The following RORA variants were observed in gnomAD, a reference collection of about 807,000 sequenced individuals.
RORA encodes the protein RAR related orphan receptor A, also known as nuclear receptor ROR-alpha.
RORA carries 7 observed loss-of-function variants against 69.5 expected under a neutral mutation model. The observed-to-expected ratio is 0.10, with a 90% CI of 0.06 to 0.19. RORA has a LOEUF of 0.19. Ranked by LOEUF, RORA falls within the 10% of genes least tolerant of loss-of-function variation. RORA has a pLI of 1.00. For synonymous variants in RORA, 261 were observed against 240.8 expected (o/e 1.08, Z -0.78); for missense variants, 457 against 663.0 (o/e 0.69, Z 3.41).
chr15:60,885,593 G>C (rs1409919380), intron 1 of RORA, among the ~76,000 whole-genome samples: 1 of 152,182 alleles, frequency 6.6e-6, no homozygotes, highest in Non-Finnish European at 1.5e-5. Flanking sequence ...CCAGGCAAGA[G>C]GATGACAATG....
chr15:61,058,821 T>C (rs1394002717), intron 1 of RORA, among the ~76,000 whole-genome samples: 1 of 152,198 alleles, frequency 6.6e-6, no homozygotes, highest in Non-Finnish European at 1.5e-5. Context: ...CTCTATGTTA[T>C]CGGCCTTTCT....
intron 1 of RORA, among the ~76,000 whole-genome samples, chr15:60,800,458 G>T (rs2072563596): frequency 6.6e-6 from 1 of 152,162 alleles, no homozygotes; most frequent in South Asian, 2.1e-4. Flanking sequence ...CAGCTCTGGT[G>T]GAAAGTATCA....
intron 1 of RORA, chr15:61,175,927 A>G (rs1038738375): frequency 6.6e-6 from 1 of 152,122 alleles, no homozygotes; most frequent in East Asian, 1.9e-4. Context: ...GGCATACACA[A>G]TGAAAAAAAC....
At chr15:60,720,518 C>T (rs1417014240) in intron 1 of RORA, among the ~76,000 whole-genome samples, 1 of 152,158 alleles carries the variant, frequency 6.6e-6, no homozygotes, top group Non-Finnish European at 1.5e-5. Flanking sequence ...ATGGTCACGC[C>T]CTTCCCTCTT....
intron 2 of RORA, among the ~76,000 whole-genome samples, chr15:60,654,093 T>C (rs979585658): frequency 4.6e-5 from 7 of 152,156 alleles, no homozygotes; most frequent in Admixed American, 4.6e-4. Flanking sequence ...GTCATTTTAG[T>C]CAAAGGAGCT....
chr15:60,505,362 A>G, intron 6 of RORA, 146 bp downstream of exon 6: 2 of 824,352 alleles, frequency 2.4e-6, no homozygotes, highest in Non-Finnish European at 3.8e-6. Context: ...CCTCAAGTAC[A>G]TTAGTAGCTT....
chr15:60,794,269 A>C (rs1002449182), intron 1 of RORA, among the ~76,000 whole-genome samples: 8 of 152,240 alleles, frequency 5.3e-5, no homozygotes, highest in African/African-American at 1.9e-4. Flanking sequence ...GAGTAGAGAA[A>C]GGCTGAATAA....
intron 2 of RORA, among the ~76,000 whole-genome samples, chr15:60,552,149 C>T (rs1379419444): frequency 6.6e-6 from 1 of 152,062 alleles, no homozygotes; most frequent in Non-Finnish European, 1.5e-5. Flanking sequence ...GAGAGAAGGG[C>T]CCAGAAGACT....
At chr15:60,894,093 G>A (rs780415327) in intron 1 of RORA, among the ~76,000 whole-genome samples, 41 of 152,070 alleles carry the variant, frequency 2.7e-4, no homozygotes, top group Admixed American at 1.8e-3. Flanking sequence ...GCCATGTCAT[G>A]GCTGCCCACT....
intron 2 of RORA, among the ~76,000 whole-genome samples, chr15:60,540,573 C>A (rs964689350): frequency 1.3e-5 from 1 of 74,940 alleles, no homozygotes; most frequent in African/African-American, 3.5e-5. Flanking sequence ...GACCCCCCCC[C>A]CCCAAAACTG....
intron 1 of RORA, among the ~76,000 whole-genome samples, chr15:61,138,465 G>A (rs1179437991): frequency 6.6e-6 from 1 of 152,140 alleles, no homozygotes; most frequent in South Asian, 2.1e-4. Context: ...CCAGGGTTAC[G>A]AAGACCACTC....
chr15:60,756,949 A>G (rs965203632), intron 1 of RORA, among the ~76,000 whole-genome samples: 4 of 152,220 alleles, frequency 2.6e-5, no homozygotes, highest in Admixed American at 2.6e-4. Flanking sequence ...ATTTATTATT[A>G]TAATCCATGA....
intron 1 of RORA, among the ~76,000 whole-genome samples, chr15:60,918,519 G>A (rs998732535): frequency 1.3e-5 from 2 of 152,136 alleles, no homozygotes; most frequent in African/African-American, 4.8e-5. Context: ...TGTAGAAACT[G>A]GGCACTTTGG....
At chr15:60,548,563 C>T (rs2067139196) in intron 2 of RORA, among the ~76,000 whole-genome samples, 1 of 152,200 alleles carries the variant, frequency 6.6e-6, no homozygotes, top group African/African-American at 2.4e-5. Context: ...TACTGTAAGG[C>T]AATGATGAAA....
intron 1 of RORA, among the ~76,000 whole-genome samples, chr15:60,844,042 A>T (rs954106011): frequency 6.6e-6 from 1 of 151,860 alleles, no homozygotes; most frequent in Non-Finnish European, 1.5e-5. Context: ...TCCCCTCTTT[A>T]ACTGGCAAAC....
rs2065012004 is a variant in RORA at position 60,489,759 on chromosome 15, A to G, written c.*7696T>C. The G allele has an allele frequency of 6.6e-6, 1 of 152,158 alleles. No individual in the cohort carries two copies. Among genetic ancestry groups the G allele is most frequent in the Non-Finnish European group, 1.5e-5 (1 of 68,024 alleles). The allele number at this position is 152,158 out of a possible 1,614,324, so 9.4% of individuals were successfully genotyped here. A position where few individuals can be genotyped will look rare whatever the true frequency, so the allele number is the denominator to read the frequency against. On this transcript the variant is annotated 3_prime_UTR_variant, in exon 11 of 11. Coordinates refer to ENST00000335670, the MANE Select transcript of RORA (RefSeq NM_134261.3). The stretch of plus-strand genomic sequence containing the variant: ...GAAAGGTTTATTCTGCCATCAAGCC[A>G]TCTAGGATATTTTATGTAAATGCCC...
At chr15:60,886,107 G>A (rs1211915091) in intron 1 of RORA, among the ~76,000 whole-genome samples, 1 of 152,054 alleles carries the variant, frequency 6.6e-6, no homozygotes, top group African/African-American at 2.4e-5. Flanking sequence ...AACCATATCT[G>A]GTATCCAAAA....
At chr15:61,219,371 G>A (rs568222682) in intron 1 of RORA, among the ~76,000 whole-genome samples, 26 of 152,274 alleles carry the variant, frequency 1.7e-4, no homozygotes, top group African/African-American at 5.3e-4. Context: ...TCAGGAGATC[G>A]AGACCAACCT....
intron 2 of RORA, among the ~76,000 whole-genome samples, chr15:60,656,389 G>A (rs143826228): frequency 1.3e-3 from 197 of 152,226 alleles, no homozygotes; most frequent in African/African-American, 3.9e-3. Context: ...CCTTCAAGGC[G>A]TTTACAATTT....
Sources: gnomAD v4.1 joint callset for allele counts (sites outside exome capture counted in the v4.1 genomes callset) on GRCh38, gnomAD v4.1.1 for gene constraint, MANE v1.5 for transcripts, NCBI Gene and HGNC (gene_info 2026-07-23, HGNC 2026-07-21) for gene names.